The following FARSB variants were observed in gnomAD, a reference collection of about 807,000 sequenced individuals.
The protein encoded by FARSB is phenylalanyl-tRNA synthetase subunit beta, also known as phenylalanine--tRNA ligase beta subunit.
A neutral mutation model predicts 69.6 loss-of-function variants in FARSB; 40 were observed. That is an observed-to-expected ratio of 0.57 (90% confidence interval 0.45 to 0.75). The LOEUF (loss-of-function observed/expected upper bound fraction) is 0.75. Among genes scored for constraint, FARSB ranks in the 30% least tolerant of loss-of-function variants. The pLI is 0.00. For synonymous variants in FARSB, 235 were observed against 247.2 expected, an observed-to-expected ratio of 0.95 and a Z score of 0.46; for missense variants, 632 against 722.9, an observed-to-expected ratio of 0.87 and a Z score of 1.44.
At chr2:222,582,745 G>A (rs1383584457) in intron 16 of FARSB, among the ~76,000 whole-genome samples, 4 of 151,898 alleles carry the variant, frequency 2.6e-5, no homozygotes, top group South Asian at 2.1e-4. Context: ...CCAACATGAC[G>A]AAACCCCATC....
intron 16 of FARSB, among the ~76,000 whole-genome samples, chr2:222,587,685 G>T (rs536082134): frequency 6.6e-6 from 1 of 152,176 alleles, no homozygotes; most frequent in Non-Finnish European, 1.5e-5. Flanking sequence ...TATCACCACC[G>T]ATCCCACAGA....
intron 14 of FARSB, among the ~76,000 whole-genome samples, chr2:222,615,223 G>A (rs1433939181): frequency 1.3e-5 from 2 of 152,188 alleles, no homozygotes; most frequent in Non-Finnish European, 2.9e-5. Context: ...ACATTATTGT[G>A]AGAGTCTGGG....
intron 15 of FARSB, among the ~76,000 whole-genome samples, chr2:222,612,244 T>G (rs1293715536): frequency 2.0e-5 from 3 of 152,180 alleles, no homozygotes; most frequent in African/African-American, 7.2e-5. Context: ...CTAAAGAAAA[T>G]TCTACATAGT....
chr2:222,590,988 G>A (rs1187096948), intron 16 of FARSB, among the ~76,000 whole-genome samples: 3 of 152,040 alleles, frequency 2.0e-5, no homozygotes, highest in Non-Finnish European at 4.4e-5. Flanking sequence ...TGGGACTTTT[G>A]GAACATAGAT....
intron 16 of FARSB, among the ~76,000 whole-genome samples, chr2:222,595,939 C>T (rs148846651): frequency 7.2e-6 from 1 of 139,510 alleles, no homozygotes; most frequent in East Asian, 2.6e-4. Context: ...TATATATATG[C>T]CATAATAATC....
At chr2:222,632,703 C>T (rs1218938230) in intron 7 of FARSB, among the ~76,000 whole-genome samples, 1 of 152,008 alleles carries the variant, frequency 6.6e-6, no homozygotes, top group African/African-American at 2.4e-5. Context: ...AATCCCAGGG[C>T]TTTGGGAGGC....
At chr2:222,609,102 GAT>G (rs983757562) in intron 15 of FARSB, among the ~76,000 whole-genome samples, 5 of 152,106 alleles carry the variant, frequency 3.3e-5, no homozygotes, top group Non-Finnish European at 7.4e-5. Flanking sequence ...TCAACCCAGT[GAT>G]ATGTTTTCTC....
chr2:222,631,408 A>C (rs1691420823), intron 8 of FARSB, among the ~76,000 whole-genome samples, 196 bp downstream of exon 8: 1 of 152,220 alleles, frequency 6.6e-6, no homozygotes, highest in Admixed American at 6.5e-5. Context: ...TTTGGTGCTC[A>C]CTAAACATTT....
chr2:222,653,598 T>C lies in FARSB; in HGVS notation c.58+2418A>G, dbSNP rs1388554749. On this transcript the variant is annotated intron_variant, in intron 1 of 16. Coordinates refer to ENST00000281828, the MANE Select transcript of FARSB (RefSeq NM_005687.5). ...TCATTTCTGACCTCTTGAAAGTACA[T>C]CTCAATAAATAACATCAATCCTTCT... is the stretch of plus-strand genomic sequence containing the variant. Among the ~76,000 whole-genome samples, 7 of 151,870 alleles carry C rather than the reference T, an allele frequency of 4.6e-5. No homozygotes were observed. The East Asian group carries it at 1.4e-3, about 29-fold the overall frequency.
chr2:222,597,855 A>G (rs1690460314), intron 16 of FARSB, among the ~76,000 whole-genome samples: 1 of 152,204 alleles, frequency 6.6e-6, no homozygotes, highest in South Asian at 2.1e-4. Flanking sequence ...CTTTTAAAGT[A>G]CAGATCTAAT....
intron 16 of FARSB, among the ~76,000 whole-genome samples, chr2:222,593,532 T>G (rs1690330938): frequency 6.6e-6 from 1 of 152,126 alleles, no homozygotes. Flanking sequence ...AAAAATAGTT[T>G]ATATGTTACT....
chr2:222,585,565 C>G (rs1167782825), intron 16 of FARSB, among the ~76,000 whole-genome samples: 1 of 152,196 alleles, frequency 6.6e-6, no homozygotes, highest in Non-Finnish European at 1.5e-5. Flanking sequence ...TCGGTAATAA[C>G]AAACTTCTCT....
Position 222,613,944 on chromosome 2 carries a change from T to C in FARSB, c.1345-16A>G. On this transcript the variant is annotated splice_polypyrimidine_tract_variant and intron_variant, in intron 14 of 16. Coordinates refer to ENST00000281828, the MANE Select transcript of FARSB (RefSeq NM_005687.5). ...TGCGTGCCACCTACAGGAAAAGACA[T>C]GAAATTGCACTGACCAAATAGGACC... The C allele has an allele frequency of 6.5e-7, 1 of 1,535,082 alleles. No homozygotes were observed. Among genetic ancestry groups the C allele is most frequent in the Non-Finnish European group, 9.0e-7 (1 of 1,108,240 alleles).
chr2:222,575,631 C>A (rs549906570), intron 16 of FARSB, among the ~76,000 whole-genome samples: 6 of 152,202 alleles, frequency 3.9e-5, no homozygotes, highest in African/African-American at 1.4e-4. Context: ...CGGCTTCCAA[C>A]ATAAAACAGA....
intron 2 of FARSB, among the ~76,000 whole-genome samples, chr2:222,647,541 T>C (rs1405795058): frequency 6.6e-6 from 1 of 152,266 alleles, no homozygotes; most frequent in African/African-American, 2.4e-5. Context: ...CTATTGCATA[T>C]TAGAACTTAT....
At chr2:222,605,364 G>T (rs1690677811) in intron 15 of FARSB, among the ~76,000 whole-genome samples, 1 of 152,136 alleles carries the variant, frequency 6.6e-6, no homozygotes, top group Admixed American at 6.6e-5. Flanking sequence ...GGCACGTATT[G>T]AAACAACTTT....
At chr2:222,652,355 G>T (rs1692059868) in intron 1 of FARSB, among the ~76,000 whole-genome samples, 1 of 152,068 alleles carries the variant, frequency 6.6e-6, no homozygotes, top group Non-Finnish European at 1.5e-5. Flanking sequence ...CCTCCAAGAT[G>T]GGCTCCAATA....
chr2:222,619,141 C>CAA (rs1050383356), intron 14 of FARSB, among the ~76,000 whole-genome samples: 1 of 133,928 alleles, frequency 7.5e-6, no homozygotes. Flanking sequence ...GACTCTGTCT[C>CAA]AAAAAAAAAA....
Position 222,626,582 on chromosome 2 carries a change from GCCCACCATTTCAAA to G in FARSB, c.901-1821_901-1808del, listed in dbSNP as rs978157711. Among the ~76,000 whole-genome samples, 16 of 152,022 alleles carry G rather than the reference GCCCACCATTTCAAA, an allele frequency of 1.1e-4. 1 individual carries two copies. The highest frequency in any genetic ancestry group is 3.6e-4 in the African/African-American group (15 of 41,386). On this transcript the variant is annotated intron_variant, in intron 10 of 16. Transcript: ENST00000281828. ...CTCATGCAGTACTCCTTTTCAGAAA[GCCCACCATTTCAAA>G]TTTACAAAAGGTCTCTATATTACAA...
Sources: allele counts gnomAD v4.1 joint callset (sites outside exome capture counted in the v4.1 genomes callset), GRCh38; gene constraint gnomAD v4.1.1; transcripts MANE v1.5; gene names NCBI Gene and HGNC (gene_info 2026-07-23, HGNC 2026-07-21).